ATP6V0E1: variants seen among roughly 807,000 people sequenced by gnomAD.
ATP6V0E1 encodes the protein ATPase H+ transporting V0 subunit e1, also known as V-type proton ATPase subunit e 1.
A neutral mutation model predicts 11.6 loss-of-function variants in ATP6V0E1; 4 were observed. The ratio of observed to expected loss-of-function variants is 0.35; its 90% CI spans 0.17 to 0.79. The LOEUF (loss-of-function observed/expected upper bound fraction) is 0.79, where lower values mean the gene tolerates loss of function less well. Among genes scored for constraint, ATP6V0E1 ranks in the 30% least tolerant of loss-of-function variants. The probability of loss-of-function intolerance (pLI) is 0.54; values close to 1 mark genes in which losing one functional copy is unlikely to be tolerated. For missense variants in ATP6V0E1, 105 were observed against 100.0 expected (o/e 1.05, Z -0.21); for synonymous variants, 36 against 34.8 (o/e 1.04, Z -0.13).
At chr5:172,986,613 G>A in intron 1 of ATP6V0E1, 1 of 397,386 alleles carries the variant, frequency 2.5e-6, no homozygotes, top group South Asian at 1.8e-5. Context: ...GGGCAACAGT[G>A]AGACCCTGTC....
At chr5:173,013,390 A>G (rs940126222) in intron 2 of ATP6V0E1, among the ~76,000 whole-genome samples, 5 of 152,182 alleles carry the variant, frequency 3.3e-5, no homozygotes, top group East Asian at 1.9e-4. Flanking sequence ...CCTGGCTAAC[A>G]TGGTGAAACC....
At chr5:173,030,959 A>C (rs1581638284) in intron 3 of ATP6V0E1, among the ~76,000 whole-genome samples, 1 of 133,648 alleles carries the variant, frequency 7.5e-6, no homozygotes, top group South Asian at 2.6e-4. Context: ...TTATTTATTT[A>C]TTTGAGACGG....
At chr5:173,009,901 T>C (rs1756293451) in intron 2 of ATP6V0E1, among the ~76,000 whole-genome samples, 1 of 151,900 alleles carries the variant, frequency 6.6e-6, no homozygotes, top group Non-Finnish European at 1.5e-5. Context: ...GTAGCTGGGA[T>C]TACAGGCACG....
intron 3 of ATP6V0E1, among the ~76,000 whole-genome samples, chr5:173,024,556 T>G (rs996248337): frequency 4.6e-5 from 7 of 152,098 alleles, no homozygotes; most frequent in Admixed American, 1.3e-4. Context: ...TTCTTTGAAT[T>G]GGTTTCTGAA....
intron 3 of ATP6V0E1, among the ~76,000 whole-genome samples, chr5:173,026,972 C>T (rs925164750): frequency 6.6e-6 from 1 of 151,034 alleles, no homozygotes; most frequent in African/African-American, 2.4e-5. Flanking sequence ...GTCAGGAGAT[C>T]GAGACCATCC....
intron 2 of ATP6V0E1, among the ~76,000 whole-genome samples, chr5:173,017,040 CA>C (rs1447204169): frequency 7.9e-5 from 12 of 152,140 alleles, no homozygotes; most frequent in African/African-American, 2.9e-4. Flanking sequence ...AATTCTCCAG[CA>C]ATCTCTCCAT....
intron 1 of ATP6V0E1, 94 bp downstream of exon 1, chr5:172,984,058 C>A: frequency 4.0e-6 from 5 of 1,236,586 alleles, no homozygotes; most frequent in Non-Finnish European, 5.9e-6. Flanking sequence ...GGTCAGAGAA[C>A]GTTGCATGGG....
In ATP6V0E1 at chr5:173,030,921, GTATTTATTTATT is replaced by G. The variant is rs33921331; in HGVS notation, c.*37-3448_*37-3437del. Among the ~76,000 whole-genome samples, 101 of 141,912 alleles carry G rather than the reference GTATTTATTTATT, an allele frequency of 7.1e-4. 1 individual carries two copies. Among genetic ancestry groups the G allele is most frequent in the South Asian group, 1.6e-3 (7 of 4,282 alleles). The allele number at this position is 141,912 out of a possible 152,430, so 93.1% of individuals were successfully genotyped here. A position where few individuals can be genotyped will look rare whatever the true frequency, so the allele number is the denominator to read the frequency against. On this transcript the variant is annotated intron_variant, in intron 3 of 3. Transcript: ENST00000519374. ...GCACCACCATGCTTGGCTAATTTTT[GTATTTATTTATT>G]TATTTATTTATTTATTTATTTATTT...
chr5:173,031,419 CT>C (rs564495625), intron 3 of ATP6V0E1, among the ~76,000 whole-genome samples: 298 of 129,068 alleles, frequency 2.3e-3, no homozygotes, highest in African/African-American at 4.8e-3. Context: ...CCTTATGACT[CT>C]TTTTTTTTTT....
At chr5:173,013,251 A>G (rs1756357541) in intron 2 of ATP6V0E1, among the ~76,000 whole-genome samples, 1 of 146,012 alleles carries the variant, frequency 6.8e-6, no homozygotes, top group Non-Finnish European at 1.5e-5. Flanking sequence ...TAAACTAAAA[A>G]GCTCTGCACA....
At chr5:173,002,151 G>A (rs887001684) in intron 2 of ATP6V0E1, among the ~76,000 whole-genome samples, 1 of 152,046 alleles carries the variant, frequency 6.6e-6, no homozygotes, top group Non-Finnish European at 1.5e-5. Flanking sequence ...ACAAATCCCA[G>A]ACATATCAGT....
chr5:173,034,200 T>C (rs184416446), intron 3 of ATP6V0E1, among the ~76,000 whole-genome samples, 199 bp from the exon 4 acceptor site: 2 of 152,370 alleles, frequency 1.3e-5, no homozygotes, highest in East Asian at 3.9e-4. Flanking sequence ...ATTTCAGCAG[T>C]GTCCTTGGTT....
chr5:172,998,862 C>T (rs904875117), intron 2 of ATP6V0E1, among the ~76,000 whole-genome samples: 5 of 151,816 alleles, frequency 3.3e-5, no homozygotes, highest in East Asian at 1.9e-4. Flanking sequence ...AAATGGGGGC[C>T]GGGCGTGTTG....
At chr5:173,000,875 A>G (rs1756140973) in intron 2 of ATP6V0E1, among the ~76,000 whole-genome samples, 1 of 151,832 alleles carries the variant, frequency 6.6e-6, no homozygotes, top group Admixed American at 6.6e-5. Flanking sequence ...TATTTTTTGT[A>G]TTGTTAGTAA....
At chr5:172,990,691 G>A (rs1269996855) in intron 1 of ATP6V0E1, among the ~76,000 whole-genome samples, 1 of 151,886 alleles carries the variant, frequency 6.6e-6, no homozygotes, top group Non-Finnish European at 1.5e-5. Context: ...GCCAGGTGTG[G>A]TGGTGTGCGC....
intron 3 of ATP6V0E1, among the ~76,000 whole-genome samples, chr5:173,032,511 G>A (rs896230466): frequency 1.6e-4 from 24 of 151,868 alleles, no homozygotes; most frequent in East Asian, 5.8e-4. Flanking sequence ...GGCTGATCTC[G>A]AACTCCTGAC....
At chr5:173,012,354 G>A (rs1259807672) in intron 2 of ATP6V0E1, among the ~76,000 whole-genome samples, 1 of 151,400 alleles carries the variant, frequency 6.6e-6, no homozygotes, top group Non-Finnish European at 1.5e-5. Flanking sequence ...GCGTGTGTGT[G>A]TACATGCATA....
chr5:173,025,557 C>T (rs1490853803), intron 3 of ATP6V0E1, among the ~76,000 whole-genome samples: 1 of 118,980 alleles, frequency 8.4e-6, no homozygotes, highest in African/African-American at 3.4e-5. Flanking sequence ...GTCACCCAGG[C>T]TGGAGTGCAT....
At chr5:173,007,369 A>G (rs1421912844) in intron 2 of ATP6V0E1, among the ~76,000 whole-genome samples, 1 of 152,152 alleles carries the variant, frequency 6.6e-6, no homozygotes, top group Admixed American at 6.5e-5. Flanking sequence ...CTGAGATGGC[A>G]GTTTCCTTGC....
Sources: gnomAD v4.1 joint callset for allele counts (sites outside exome capture counted in the v4.1 genomes callset) on GRCh38, gnomAD v4.1.1 for gene constraint, MANE v1.5 for transcripts, NCBI Gene and HGNC (gene_info 2026-07-23, HGNC 2026-07-21) for gene names.